WWC2: variants seen among roughly 807,000 people sequenced by gnomAD.
WWC2 encodes protein WWC2.
Under a neutral mutation model 138.5 loss-of-function variants are expected in WWC2, and 101 were observed. That is an observed-to-expected ratio of 0.73 (90% CI 0.62 to 0.86). The LOEUF (loss-of-function observed/expected upper bound fraction) is 0.86. WWC2 is among the 40% of genes least tolerant of loss of function. The probability of loss-of-function intolerance (pLI) is 0.00; values close to 1 mark genes in which losing one functional copy is unlikely to be tolerated. For synonymous variants in WWC2, 558 were observed against 538.4 expected (o/e 1.04, Z -0.50); for missense variants, 1,420 against 1,419.4 (o/e 1.00, Z -0.01).
chr4:183,163,482 AT>A (rs1277637142), intron 1 of WWC2, among the ~76,000 whole-genome samples: 5 of 152,224 alleles, frequency 3.3e-5, no homozygotes, highest in African/African-American at 1.2e-4. Context: ...AGATAACTTT[AT>A]TTAGGTAAGC....
At chr4:183,229,681 C>T (rs929778893) in intron 4 of WWC2, among the ~76,000 whole-genome samples, 1 of 151,904 alleles carries the variant, frequency 6.6e-6, no homozygotes, top group African/African-American at 2.4e-5. Context: ...TCAGGCAAAC[C>T]CAAATAGGAG....
chr4:183,214,800 A>T (rs1447204437), intron 4 of WWC2, among the ~76,000 whole-genome samples: 1 of 151,996 alleles, frequency 6.6e-6, no homozygotes, highest in Non-Finnish European at 1.5e-5. Flanking sequence ...AAAAAGAAAT[A>T]TGCCTTTGGA....
chr4:183,208,286 C>T, intron 3 of WWC2, 130 bp downstream of exon 3: 1 of 986,784 alleles, frequency 1.0e-6, no homozygotes. Flanking sequence ...TCTCTCAAAA[C>T]CATTGAGAGG....
chr4:183,208,968 C>T lies in WWC2; in HGVS notation c.465C>T (p.Ser155=), dbSNP rs1735518875. 1.3e-6 allele frequency: 2 copies of T among 1,563,062 alleles called. No individual in the cohort carries two copies. The highest frequency in any genetic ancestry group is 1.4e-5 in the African/African-American group (1 of 73,602). ...SHTSLFSGSS[S]STKYDPDILK... is the part of the protein sequence containing the mutation. ...TAAAAGTATTCTCAGGATCTTCATC[C>T]AGTACTAAATATGATCCCGATATTT... Residue 155 remains serine, a synonymous_variant, in exon 4 of 23, where the codon TCC becomes TCT. Coordinates refer to ENST00000403733, the MANE Select transcript of WWC2 (RefSeq NM_024949.6).
chr4:183,192,049 C>T (rs1735006561), intron 1 of WWC2, among the ~76,000 whole-genome samples: 1 of 152,120 alleles, frequency 6.6e-6, no homozygotes, highest in Non-Finnish European at 1.5e-5. Context: ...TAACAAGGTC[C>T]CAGATGTTTA....
intron 4 of WWC2, among the ~76,000 whole-genome samples, chr4:183,225,147 C>T (rs1736035778): frequency 6.6e-6 from 1 of 152,124 alleles, no homozygotes; most frequent in Admixed American, 6.5e-5. Context: ...AGACCATGCT[C>T]TATATGCATG....
chr4:183,294,596 T>C (rs1021559013), intron 21 of WWC2, among the ~76,000 whole-genome samples: 2 of 152,236 alleles, frequency 1.3e-5, no homozygotes, highest in Admixed American at 6.5e-5. Flanking sequence ...TAAGTGACCA[T>C]GGCTAGAGCC....
intron 1 of WWC2, among the ~76,000 whole-genome samples, chr4:183,183,718 T>C (rs6849309): frequency 0.94 from 143,126 of 152,046 alleles, 67,965 homozygotes; most frequent in Middle Eastern, 1. Flanking sequence ...GTTGAGGCTG[T>C]AGTGAGCTGA....
At position 183,277,005 on chromosome 4, in the gene WWC2, GT is replaced by G. The variant is rs1323541859; in HGVS notation, c.2563-3767del. Reference sequence around the variant, plus strand: ...TATTATTATTATTATTATACTTTAAGTTTTAGGGTACATGTGCACATTGTGC... The same window carrying G: ...TATTATTATTATTATTATACTTTAAGTTTAGGGTACATGTGCACATTGTGC... On this transcript the variant is annotated intron_variant, in intron 16 of 22. Coordinates refer to ENST00000403733, the MANE Select transcript of WWC2 (RefSeq NM_024949.6). 7.4e-5 allele frequency among the ~76,000 whole-genome samples: 11 copies of G among 148,972 alleles called. No individual in the cohort carries two copies. The East Asian group carries it at 2.1e-3, about 29-fold the overall frequency.
chr4:183,124,895 G>T (rs1732713906), intron 1 of WWC2, among the ~76,000 whole-genome samples: 1 of 152,100 alleles, frequency 6.6e-6, no homozygotes. Flanking sequence ...TCAGAACTTA[G>T]AATCTATGGT....
chr4:183,167,855 T>C (rs1210113766), intron 1 of WWC2, among the ~76,000 whole-genome samples: 1 of 90,154 alleles, frequency 1.1e-5, no homozygotes, highest in South Asian at 5.1e-4. Flanking sequence ...CATGGAAGTT[T>C]GTGATTTTTT....
chr4:183,147,868 A>G (rs941199463), intron 1 of WWC2, among the ~76,000 whole-genome samples: 48 of 152,262 alleles, frequency 3.2e-4, no homozygotes, highest in East Asian at 9.6e-4. Context: ...GGTAAGGTAT[A>G]TATTTGCACA....
At chr4:183,133,023 C>CT (rs1403277248) in intron 1 of WWC2, among the ~76,000 whole-genome samples, 1 of 148,622 alleles carries the variant, frequency 6.7e-6, no homozygotes, top group Admixed American at 6.6e-5. Flanking sequence ...TTTCCCTTCC[C>CT]TTTTTTTCCT....
intron 1 of WWC2, among the ~76,000 whole-genome samples, chr4:183,121,270 A>G (rs1267301700): frequency 2.0e-5 from 3 of 150,872 alleles, no homozygotes; most frequent in Non-Finnish European, 4.4e-5. Flanking sequence ...ATTTTCTGTG[A>G]TGATTGTTGT....
chr4:183,319,260 A>T lies in WWC2; in HGVS notation c.*3531A>T. ...CCGCTCCATATGAATAATACCTTCAAAGATACATAGAGATTAATGTTTTAT... is the reference window on the plus strand; with the variant it reads ...CCGCTCCATATGAATAATACCTTCATAGATACATAGAGATTAATGTTTTAT... On this transcript the variant is annotated 3_prime_UTR_variant, in exon 23 of 23. Transcript: ENST00000403733. 1 of 280,340 alleles carries T rather than the reference A, an allele frequency of 3.6e-6. No homozygotes were observed. The highest frequency in any genetic ancestry group is 6.6e-6 in the Non-Finnish European group (1 of 150,442). The allele number at this position is 280,340 out of a possible 1,614,324, so 17.4% of individuals were successfully genotyped here. A position where few individuals can be genotyped will look rare whatever the true frequency, so the allele number is the denominator to read the frequency against.
intron 4 of WWC2, among the ~76,000 whole-genome samples, chr4:183,211,110 T>C (rs907931017): frequency 6.6e-6 from 1 of 152,248 alleles, no homozygotes; most frequent in Non-Finnish European, 1.5e-5. Flanking sequence ...AGTGCATTGC[T>C]TAATTTTCAA....
intron 22 of WWC2, 32 bp from the exon 23 acceptor site, chr4:183,315,628 TATA>T (rs1226728143): frequency 6.4e-7 from 1 of 1,563,652 alleles, no homozygotes; most frequent in Non-Finnish European, 8.8e-7. Context: ...TTTAGCATCA[TATA>T]TAAGTCAATT....
chr4:183,144,062 C>A (rs1022776818), intron 1 of WWC2, among the ~76,000 whole-genome samples: 15 of 152,170 alleles, frequency 9.9e-5, no homozygotes, highest in African/African-American at 3.6e-4. Context: ...TTATAATAAA[C>A]TCTTCTGAGT....
At chr4:183,259,183 T>C (rs1737244212) in intron 9 of WWC2, among the ~76,000 whole-genome samples, 2 of 152,208 alleles carry the variant, frequency 1.3e-5, no homozygotes, top group African/African-American at 2.4e-5. Flanking sequence ...ATGTTATCAC[T>C]AAATACTATG....
Sources: gnomAD v4.1 joint callset for allele counts (sites outside exome capture counted in the v4.1 genomes callset) on GRCh38, gnomAD v4.1.1 for gene constraint, MANE v1.5 for transcripts, NCBI Gene and HGNC (gene_info 2026-07-23, HGNC 2026-07-21) for gene names.